PLCH2: variants seen among roughly 807,000 people sequenced by gnomAD.
PLCH2 encodes the protein phospholipase C eta 2, also known as 1-phosphatidylinositol 4,5-bisphosphate phosphodiesterase eta-2.
PLCH2 carries 98 observed loss-of-function variants against 134.7 expected under a neutral mutation model. The observed-to-expected ratio is 0.73, with a 90% CI of 0.62 to 0.86. PLCH2 has a LOEUF of 0.86. Ranked by LOEUF, PLCH2 falls within the 40% of genes least tolerant of loss-of-function variation. The probability of loss-of-function intolerance (pLI) is 0.00; values close to 1 mark genes in which losing one functional copy is unlikely to be tolerated. For missense variants in PLCH2, 1,994 were observed against 1,986.6 expected (o/e 1.00, Z -0.07); for synonymous variants, 974 against 827.5 (o/e 1.18, Z -3.04).
upstream of PLCH2, among the ~76,000 whole-genome samples, chr1:2,471,504 C>T (rs1641323948): frequency 6.6e-6 from 1 of 152,238 alleles, no homozygotes; most frequent in Non-Finnish European, 1.5e-5. Flanking sequence ...GTGACCATCA[C>T]AAGTCCTCCT....
upstream of PLCH2, among the ~76,000 whole-genome samples, chr1:2,466,516 G>T (rs1233132984): frequency 1.3e-5 from 2 of 152,204 alleles, no homozygotes; most frequent in Non-Finnish European, 2.9e-5. Context: ...GGCAGGAGGT[G>T]GTCACACCTT....
chr1:2,469,805 A>G (rs1233281066), intron 1 of PLCH2, among the ~76,000 whole-genome samples: 1 of 150,626 alleles, frequency 6.6e-6, no homozygotes, highest in Non-Finnish European at 1.5e-5. Context: ...GGCAGGGTGG[A>G]GTTGGTGGAC....
chr1:2,455,057 C>T (rs1420372160), intron 2 of PLCH2, among the ~76,000 whole-genome samples: 1 of 152,184 alleles, frequency 6.6e-6, no homozygotes, highest in African/African-American at 2.4e-5. Flanking sequence ...AGGCTCTGCT[C>T]CTCCCTGAAG....
At chr1:2,495,806 G>C (rs1368386120) in intron 13 of PLCH2, among the ~76,000 whole-genome samples, 2 of 152,084 alleles carry the variant, frequency 1.3e-5, no homozygotes, top group Non-Finnish European at 2.9e-5. Context: ...GGTCCCCACA[G>C]CCCTGGATGC....
intron 20 of PLCH2, chr1:2,500,554 A>T (rs1271416624): frequency 6.6e-6 from 1 of 152,200 alleles, no homozygotes; most frequent in Non-Finnish European, 1.5e-5. Flanking sequence ...CTCTGTTAGG[A>T]GCCTTGAAGG....
intron 2 of PLCH2, among the ~76,000 whole-genome samples, chr1:2,458,486 G>A (rs34400680): frequency 0.11 from 17,245 of 152,202 alleles, 1,051 homozygotes; most frequent in East Asian, 0.25. Context: ...CCGAGTGGCC[G>A]GGGAACGGGT....
chr1:2,424,088 C>T (rs1196379998), upstream of PLCH2, among the ~76,000 whole-genome samples: 2 of 152,094 alleles, frequency 1.3e-5, no homozygotes, highest in African/African-American at 4.8e-5. Context: ...ATATATTTGA[C>T]AGATTATAGT....
rs953017540 is a variant in PLCH2 at position 2,502,580 on chromosome 1, G to A, written c.2959+171G>A. On this transcript the variant is annotated intron_variant, in intron 21 of 21. Coordinates refer to ENST00000378486, the MANE Select transcript of PLCH2 (RefSeq NM_014638.4). ...GCAGAGGGAGCGGCCACCCAGCCCG[G>A]GGCCTGCAAGCAGGCAGGCAGCCAT... is the stretch of plus-strand genomic sequence containing the variant. The A allele has an allele frequency of 6.6e-6, 5 of 760,486 alleles. No homozygotes were observed. The East Asian group carries it at 8.0e-5, about 12-fold the overall frequency. 47.1% of individuals were successfully genotyped at this position (760,486 alleles called of 1,614,324 possible).
intron 5 of PLCH2, 39 bp downstream of exon 5, chr1:2,484,657 A>G (rs1354271651): frequency 1.3e-6 from 2 of 1,598,938 alleles, no homozygotes; most frequent in Non-Finnish European, 1.7e-6. Flanking sequence ...GCCAGCCATC[A>G]GGCCTCGCCT....
chr1:2,496,792 G>T (rs1439314110), intron 14 of PLCH2, 36 bp from the exon 15 acceptor site: 14 of 1,610,516 alleles, frequency 8.7e-6, no homozygotes, highest in Non-Finnish European at 1.1e-5. Flanking sequence ...CGAGGTCGAG[G>T]ACTGGCAGTC....
chr1:2,441,146 G>C (rs1304137868), intron 2 of PLCH2, among the ~76,000 whole-genome samples: 1 of 152,202 alleles, frequency 6.6e-6, no homozygotes, highest in Non-Finnish European at 1.5e-5. Context: ...GCAGTGAAAG[G>C]GGTGCTCAGG....
At chr1:2,437,140 G>A (rs940229747) in intron 2 of PLCH2, among the ~76,000 whole-genome samples, 1 of 152,240 alleles carries the variant, frequency 6.6e-6, no homozygotes, top group Non-Finnish European at 1.5e-5. Flanking sequence ...CAGTGGGCAG[G>A]TGAGGGAGCA....
intron 1 of PLCH2, among the ~76,000 whole-genome samples, chr1:2,471,011 T>C (rs1557983847): frequency 2.0e-5 from 3 of 147,872 alleles, no homozygotes; most frequent in Non-Finnish European, 4.5e-5. Flanking sequence ...CAGTGACTTG[T>C]GGCAGGGACA....
intron 4 of PLCH2, among the ~76,000 whole-genome samples, chr1:2,481,983 G>A (rs1033010081): frequency 1.3e-5 from 2 of 152,274 alleles, no homozygotes; most frequent in African/African-American, 4.8e-5. Flanking sequence ...TAAACACTTG[G>A]CTTGAGGCTA....
intron 2 of PLCH2, chr1:2,479,058 T>G: frequency 5.4e-6 from 1 of 184,622 alleles, no homozygotes. Flanking sequence ...ATGGAGGCTC[T>G]GTGCAGGGGG....
At position 2,504,859 on chromosome 1, in the gene PLCH2, G is replaced by T; in HGVS notation, c.3897G>T (p.Leu1299=). Residue 1299 remains leucine, a synonymous_variant, in exon 22 of 22, where the codon CTG becomes CTT. Transcript: ENST00000378486. ...GGCCAGGGGTGAGACGGGACACCCTGACAGAGCAGCTGCGCTGGCTCACTG... is the reference window on the plus strand; with the variant it reads ...GGCCAGGGGTGAGACGGGACACCCTTACAGAGCAGCTGCGCTGGCTCACTG... ...VSGPGVRRDT[L]TEQLRWLTVF... 1.2e-6 allele frequency: 2 copies of T among 1,600,494 alleles called. No homozygotes were observed. The highest frequency in any genetic ancestry group is 1.7e-6 in the Non-Finnish European group (2 of 1,173,826).
chr1:2,479,333 C>T (rs1447670253), intron 2 of PLCH2: 2 of 180,506 alleles, frequency 1.1e-5, no homozygotes, highest in African/African-American at 2.3e-5. Context: ...GAGCGCGGAG[C>T]TGGGGGTCCC....
chr1:2,479,687 C>G (rs528190558), intron 2 of PLCH2, 47 bp from the exon 3 acceptor site: 4 of 1,503,114 alleles, frequency 2.7e-6, no homozygotes, highest in Middle Eastern at 2.2e-4. Flanking sequence ...AGCAGGGGGA[C>G]GCTGGGCCCC....
At position 2,486,957 on chromosome 1, in the gene PLCH2, G is replaced by A; in HGVS notation, c.867G>A (p.Glu289=). Residue 289 remains glutamate (E), a synonymous_variant, in exon 6 of 22, where the codon GAG becomes GAA. Coordinates refer to ENST00000378486, the MANE Select transcript of PLCH2 (RefSeq NM_014638.4). The part of the protein sequence containing the change: ...ESCQDIIEQF[E]PCPENKSKGL... ...GCCAGGACATCATCGAGCAGTTTGA[G>A]CCATGCCCAGAAAACAAGAGTAAGG... 2.5e-6 allele frequency: 4 copies of A among 1,608,264 alleles called. No individual in the cohort carries two copies. The highest frequency in any genetic ancestry group is 2.7e-5 in the African/African-American group (2 of 74,934).
Sources: gnomAD v4.1 joint callset for allele counts (sites outside exome capture counted in the v4.1 genomes callset) on GRCh38, gnomAD v4.1.1 for gene constraint, MANE v1.5 for transcripts, NCBI Gene and HGNC (gene_info 2026-07-23, HGNC 2026-07-21) for gene names.